Variants in TLE4 observed in about 807,000 individuals in gnomAD.
TLE4 encodes TLE family member 4, transcriptional corepressor, also known as transducin-like enhancer protein 4.
Under a neutral mutation model 92.8 loss-of-function variants are expected in TLE4, and 8 were observed. The ratio of observed to expected loss-of-function variants is 0.09; its 90% CI spans 0.05 to 0.16. The LOEUF (loss-of-function observed/expected upper bound fraction) is 0.16. Ranked by LOEUF, TLE4 falls within the 10% of genes least tolerant of loss-of-function variation. TLE4 has a pLI of 1.00. For synonymous variants in TLE4, 371 were observed against 374.1 expected, an observed-to-expected ratio of 0.99 and a Z score of 0.10; for missense variants, 675 against 997.6, an observed-to-expected ratio of 0.68 and a Z score of 4.36.
Position 79,664,588 on chromosome 9 carries a change from T to A in TLE4, c.609+10513T>A, listed in dbSNP as rs566055403. ...AAATTTTAAACTAAGCTGGTGACATTTTTGCCTTTGGGAGAATAGAGCAAA... is the reference window on the plus strand; with the variant it reads ...AAATTTTAAACTAAGCTGGTGACATATTTGCCTTTGGGAGAATAGAGCAAA... On this transcript the variant is annotated intron_variant, in intron 8 of 19. Coordinates refer to ENST00000376552, the MANE Select transcript of TLE4 (RefSeq NM_007005.6). 3.9e-5 allele frequency among the ~76,000 whole-genome samples: 6 copies of A among 152,320 alleles called. 1 individual carries two copies. In the South Asian group the frequency reaches 1.2e-3, roughly 32 times the overall value.
intron 8 of TLE4, among the ~76,000 whole-genome samples, chr9:79,658,343 A>G (rs777979888): frequency 6.6e-6 from 1 of 152,102 alleles, no homozygotes; most frequent in Non-Finnish European, 1.5e-5. Context: ...TTTTAGCTAA[A>G]TGCTTTTCTC....
chr9:79,610,641 G>A (rs891687278), intron 4 of TLE4, among the ~76,000 whole-genome samples: 5 of 151,916 alleles, frequency 3.3e-5, no homozygotes, highest in African/African-American at 7.3e-5. Context: ...GATCTTTAAC[G>A]GAAGTTTGGA....
intron 6 of TLE4, among the ~76,000 whole-genome samples, chr9:79,640,665 A>G (rs1468830910): frequency 6.6e-6 from 1 of 151,804 alleles, no homozygotes; most frequent in Non-Finnish European, 1.5e-5. Flanking sequence ...TCAAAGTAAC[A>G]CTCAGCTCCT....
chr9:79,609,313 G>A (rs750749572), intron 4 of TLE4, among the ~76,000 whole-genome samples: 14 of 152,076 alleles, frequency 9.2e-5, no homozygotes, highest in Non-Finnish European at 1.6e-4. Context: ...TGTTGAGTGC[G>A]TAGCCAAGGG....
At chr9:79,578,752 T>C (rs1371534946) in intron 4 of TLE4, among the ~76,000 whole-genome samples, 2 of 152,204 alleles carry the variant, frequency 1.3e-5, no homozygotes, top group Non-Finnish European at 2.9e-5. Context: ...TTGCCAATTT[T>C]TAACAATTAT....
chr9:79,682,341 A>T (rs1489442544), intron 8 of TLE4, among the ~76,000 whole-genome samples: 1 of 152,154 alleles, frequency 6.6e-6, no homozygotes, highest in Non-Finnish European at 1.5e-5. Flanking sequence ...GAGTATATGC[A>T]TCATATTGCC....
chr9:79,574,994 G>A lies in TLE4; in HGVS notation c.207+58G>A, dbSNP rs1395225789. 4 of 1,449,208 alleles carry A rather than the reference G, an allele frequency of 2.8e-6. No homozygotes were observed. In the South Asian group the frequency reaches 4.6e-5, roughly 17 times the overall value. The allele number at this position is 1,449,208 out of a possible 1,614,324, so 89.8% of individuals were successfully genotyped here. On this transcript the variant is annotated intron_variant, in intron 3 of 19. Coordinates refer to ENST00000376552, the MANE Select transcript of TLE4 (RefSeq NM_007005.6). ...TATTAGTTTGGAATACCAAAAACAAGAATATGTTTAAATTGCTGGGGGCTG... is the reference window on the plus strand; with the variant it reads ...TATTAGTTTGGAATACCAAAAACAAAAATATGTTTAAATTGCTGGGGGCTG...
chr9:79,699,807 A>G (rs1161999988), intron 8 of TLE4, among the ~76,000 whole-genome samples: 1 of 152,232 alleles, frequency 6.6e-6, no homozygotes, highest in African/African-American at 2.4e-5. Context: ...CATTGTGGAG[A>G]TGGTATTTGC....
chr9:79,625,621 C>A (rs541176976), intron 5 of TLE4, among the ~76,000 whole-genome samples: 208 of 151,990 alleles, frequency 1.4e-3, no homozygotes, highest in Non-Finnish European at 2.7e-3. Context: ...ATCAAATTGT[C>A]TTCAATGTGA....
chr9:79,674,333 G>A (rs1490479152), intron 8 of TLE4, among the ~76,000 whole-genome samples: 1 of 148,276 alleles, frequency 6.7e-6, no homozygotes, highest in East Asian at 2.0e-4. Context: ...GAGACACAGT[G>A]AGACTAAGTA....
intron 6 of TLE4, among the ~76,000 whole-genome samples, chr9:79,635,383 G>A (rs1236854887): frequency 6.7e-6 from 1 of 150,340 alleles, no homozygotes; most frequent in East Asian, 2.0e-4. Flanking sequence ...CCAATCTATA[G>A]TTTAACATTG....
chr9:79,589,051 A>G (rs1311665274), intron 4 of TLE4, among the ~76,000 whole-genome samples: 5 of 152,206 alleles, frequency 3.3e-5, no homozygotes, highest in Admixed American at 6.5e-5. Flanking sequence ...AGAGTCTGGG[A>G]TGCTGCTGAA....
chr9:79,622,855 T>C (rs963768127), intron 5 of TLE4, among the ~76,000 whole-genome samples: 2 of 152,204 alleles, frequency 1.3e-5, no homozygotes, highest in Non-Finnish European at 2.9e-5. Context: ...CTCTAAGATG[T>C]GCTCTGTGTA....
intron 8 of TLE4, among the ~76,000 whole-genome samples, chr9:79,673,811 A>C (rs947443529): frequency 1.3e-5 from 2 of 152,178 alleles, no homozygotes; most frequent in African/African-American, 4.8e-5. Context: ...ATGAAACAAA[A>C]CACAGGCTCA....
rs2036091797 is a variant in TLE4, at chr9:79,572,571, C to A, written c.-220C>A. 1.0e-5 allele frequency: 2 copies of A among 192,956 alleles called. No homozygotes were observed. The highest frequency in any genetic ancestry group is 6.1e-5 in the Admixed American group (1 of 16,342). 12.0% of individuals were successfully genotyped at this position (192,956 alleles called of 1,614,324 possible). ...GACAATGCCCGCGGCGGGCCAGTGA[C>A]GCCCGCGGGGAATGCGGAGCGGCCC... On this transcript the variant is annotated 5_prime_UTR_variant, in exon 1 of 20. Transcript: ENST00000376552.
At chr9:79,694,578 GT>G (rs2067805115) in intron 8 of TLE4, among the ~76,000 whole-genome samples, 1 of 152,106 alleles carries the variant, frequency 6.6e-6, no homozygotes, top group African/African-American at 2.4e-5. Flanking sequence ...GCATACTGAA[GT>G]TACTATCAGT....
At chr9:79,593,016 T>TC (rs1409866954) in intron 4 of TLE4, among the ~76,000 whole-genome samples, 2 of 152,248 alleles carry the variant, frequency 1.3e-5, no homozygotes, top group Non-Finnish European at 2.9e-5. Flanking sequence ...CTTCTTTTTT[T>TC]CTCCCTAATG....
At chr9:79,693,533 A>G (rs1188964415) in intron 8 of TLE4, 4 of 399,454 alleles carry the variant, frequency 1.0e-5, no homozygotes, top group Non-Finnish European at 1.5e-5. Flanking sequence ...TTTATAAACC[A>G]TAAGACTTAC....
intron 8 of TLE4, among the ~76,000 whole-genome samples, chr9:79,678,518 A>C (rs890789779): frequency 6.6e-6 from 1 of 152,124 alleles, no homozygotes; most frequent in Non-Finnish European, 1.5e-5. Flanking sequence ...GTATCTGAGA[A>C]AAAACAATAC....
Sources: gnomAD v4.1 joint callset for allele counts (sites outside exome capture counted in the v4.1 genomes callset) on GRCh38, gnomAD v4.1.1 for gene constraint, MANE v1.5 for transcripts, NCBI Gene and HGNC (gene_info 2026-07-23, HGNC 2026-07-21) for gene names.